The following USHBP1 variants were observed in gnomAD, a reference collection of about 807,000 sequenced individuals.
The protein encoded by USHBP1 is USH1 protein network component harmonin binding protein 1.
USHBP1 carries 67 observed loss-of-function variants against 76.2 expected under a neutral mutation model. That is an observed-to-expected ratio of 0.88 (90% CI 0.72 to 1.08). USHBP1 has a LOEUF of 1.08. Ranked by LOEUF, USHBP1 falls within the 50% of genes least tolerant of loss-of-function variation. USHBP1 has a pLI of 0.00. For synonymous variants in USHBP1, 322 were observed against 362.2 expected, an observed-to-expected ratio of 0.89 and a Z score of 1.26; for missense variants, 931 against 915.0, an observed-to-expected ratio of 1.02 and a Z score of -0.23.
chr19:17,263,690 C>G, intron 3 of USHBP1: 1 of 161,546 alleles, frequency 6.2e-6, no homozygotes, highest in Non-Finnish European at 1.0e-5. Context: ...ACCAGCCTGG[C>G]TAATGTGGCC....
intron 4 of USHBP1, among the ~76,000 whole-genome samples, chr19:17,260,768 G>C (rs1007465099): frequency 6.6e-6 from 1 of 152,110 alleles, no homozygotes; most frequent in Non-Finnish European, 1.5e-5. Context: ...ATGGACACTT[G>C]AGCTTATCAA....
rs1416068265 is a variant in USHBP1, at chr19:17,254,643, C to G, written c.1692+742G>C. Among the ~76,000 whole-genome samples, 4 of 146,908 alleles carry G rather than the reference C, an allele frequency of 2.7e-5. No individual in the cohort carries two copies. The Admixed American group carries it at 2.7e-4, about 10-fold the overall frequency. On this transcript the variant is annotated intron_variant, in intron 10 of 12. Transcript: ENST00000252597. ...TGCACTCCAGCCTGGGCAACAAGAG[C>G]AAAACTCTGTCTCAAAAAAAAAAAA...
intron 8 of USHBP1, 93 bp from the exon 9 acceptor site, chr19:17,256,813 C>T: frequency 6.4e-7 from 1 of 1,552,636 alleles, no homozygotes; most frequent in Non-Finnish European, 8.8e-7. Flanking sequence ...CACCTTCCAT[C>T]TCACTGGCCA....
At position 17,256,540 on chromosome 19, in the gene USHBP1, C is replaced by T. The variant is rs765915102; in HGVS notation, c.1401G>A (p.Gly467=). The T allele has an allele frequency of 6.2e-7, 1 of 1,613,960 alleles. No homozygotes were observed. The highest frequency in any genetic ancestry group is 1.3e-5 in the African/African-American group (1 of 74,906). ...GGGGAAGAGCTGGGCCAGCCTGGGT[C>T]CCCAGAATGGCCTGCACCATGGCTT... is the stretch of plus-strand genomic sequence containing the variant. ...RAEAMVQAIL[G]TQAGPALPRL... is the part of the protein sequence containing the mutation. The change falls in exon 9 of 13, where the codon GGG becomes GGA. Residue 467 remains glycine, a synonymous_variant. Transcript: ENST00000252597.
Position 17,255,372 on chromosome 19 carries a change from C to A in USHBP1, c.1692+13G>T. ...AAGCTACTCCCCTACCAGGTTCAGG[C>A]AGGGCAGCTCACCTGATACCACTCT... is the stretch of plus-strand genomic sequence containing the variant. On this transcript the variant is annotated intron_variant, in intron 10 of 12. Coordinates refer to ENST00000252597, the MANE Select transcript of USHBP1 (RefSeq NM_031941.4). 1 of 1,609,580 alleles carries A rather than the reference C, an allele frequency of 6.2e-7. No homozygotes were observed.
At position 17,252,989 on chromosome 19, in the gene USHBP1, A is replaced by G. The variant is rs537453186; in HGVS notation, c.1693-972T>C. Among the ~76,000 whole-genome samples the G allele has an allele frequency of 3.3e-5, 5 of 151,372 alleles. No homozygotes were observed. The South Asian group carries it at 1.0e-3, about 32-fold the overall frequency. On this transcript the variant is annotated intron_variant, in intron 10 of 12. Transcript: ENST00000252597. ...TGAAATAATAATAATTTTTTTTTTG[A>G]GAAGAGTCTCGCTCTGTCGCCCAGG...
Position 17,256,651 on chromosome 19 carries a change from C to T in USHBP1, c.1290G>A (p.Gln430=). ...EVAFQLRSYV[Q]RLQERRSLMK... ...TTAGAGAACGGCGCTCCTGGAGACGCTGGACATAGCTTCGGAGCTGGAAAG... is the reference window on the plus strand; with the variant it reads ...TTAGAGAACGGCGCTCCTGGAGACGTTGGACATAGCTTCGGAGCTGGAAAG... The change falls in exon 9 of 13, where the codon CAG becomes CAA. Residue 430 remains glutamine (Q), a synonymous_variant. Coordinates refer to ENST00000252597, the MANE Select transcript of USHBP1 (RefSeq NM_031941.4). 6.2e-7 allele frequency: 1 copy of T among 1,614,216 alleles called. No individual in the cohort carries two copies. Among genetic ancestry groups the T allele is most frequent in the Non-Finnish European group, 8.5e-7 (1 of 1,180,036 alleles).
intron 12 of USHBP1, 147 bp downstream of exon 12, chr19:17,251,435 A>T: frequency 8.8e-7 from 1 of 1,142,504 alleles, no homozygotes; most frequent in Non-Finnish European, 1.2e-6. Context: ...ACATGCTGGG[A>T]TTACAGGTGT....
At position 17,259,712 on chromosome 19, in the gene USHBP1, G is replaced by A. The variant is rs781011982; in HGVS notation, c.789C>T (p.His263=). ...GGCTGCGGAGGCGCCGAAGCAGGGG[G>A]TGAGCCAGGGAGAAGGAGTCCTGCC... The part of the protein sequence containing the change: ...WETQDSFSLA[H]PLLRRLRSHS... The change falls in exon 6 of 13, where the codon CAC becomes CAT. Residue 263 remains histidine, a synonymous_variant. Transcript: ENST00000252597. The A allele has an allele frequency of 5.6e-6, 9 of 1,612,486 alleles. No individual in the cohort carries two copies. The African/African-American group carries it at 8.0e-5, about 14-fold the overall frequency.
intron 10 of USHBP1, among the ~76,000 whole-genome samples, chr19:17,253,603 A>T (rs890196061): frequency 2.7e-5 from 4 of 147,682 alleles, no homozygotes; most frequent in African/African-American, 7.4e-5. Context: ...ATAATTTTTT[A>T]AAAATTAGGC....
intron 10 of USHBP1, among the ~76,000 whole-genome samples, chr19:17,252,961 G>C (rs1012644496): frequency 1.3e-5 from 2 of 151,922 alleles, no homozygotes; most frequent in African/African-American, 2.4e-5. Flanking sequence ...TCTAATCCTT[G>C]TTTGAAATAA....
At chr19:17,254,527 G>A (rs919060819) in intron 10 of USHBP1, among the ~76,000 whole-genome samples, 1 of 151,338 alleles carries the variant, frequency 6.6e-6, no homozygotes, top group Non-Finnish European at 1.5e-5. Flanking sequence ...GTGGTGGCGC[G>A]TGCCTGTAGT....
intron 9 of USHBP1, 124 bp from the exon 10 acceptor site, chr19:17,255,730 G>A (rs977000262): frequency 2.2e-5 from 23 of 1,068,502 alleles, no homozygotes; most frequent in Non-Finnish European, 2.9e-5. Flanking sequence ...GCCAGGCGCA[G>A]TGGCTCATGC....
At chr19:17,262,145 C>G (rs78365894) in intron 4 of USHBP1, among the ~76,000 whole-genome samples, 3,711 of 152,076 alleles carry the variant, frequency 0.024, 157 homozygotes, top group African/African-American at 0.084. Flanking sequence ...GGATTACAGG[C>G]CTATGCCACC....
chr19:17,255,323 G>T, intron 10 of USHBP1, 62 bp downstream of exon 10: 2 of 1,461,856 alleles, frequency 1.4e-6, no homozygotes, highest in South Asian at 1.3e-5. Flanking sequence ...GGCTGTGATT[G>T]ACAAGGGCTA....
At chr19:17,259,244 C>T (rs1353366895) in intron 7 of USHBP1, 45 bp downstream of exon 7, 5 of 1,556,830 alleles carry the variant, frequency 3.2e-6, no homozygotes, top group East Asian at 2.3e-5. Flanking sequence ...CTCAGAAAGC[C>T]CACTCCCTCC....
At position 17,255,635 on chromosome 19, in the gene USHBP1, T is replaced by G. The variant is rs748404538; in HGVS notation, c.1471-29A>C. The G allele has an allele frequency of 1.9e-6, 3 of 1,575,756 alleles. No individual in the cohort carries two copies. In the African/African-American group the frequency reaches 4.1e-5, roughly 21 times the overall value. On this transcript the variant is annotated intron_variant, in intron 9 of 12. Coordinates refer to ENST00000252597, the MANE Select transcript of USHBP1 (RefSeq NM_031941.4). ...TGGGACCAAGGAGAGGGGAGAGAAT[T>G]TATGCTTCTACGGTCAACTGCAGGG...
At position 17,250,540 on chromosome 19, in the gene USHBP1, T is replaced by A. The variant is rs1422647630; in HGVS notation, c.1923-126A>T. ...GTCTCCAAGGGTCCCAGCTAGCTGG[T>A]CTTTTGTTGTTGTTGTTGTTGTTGT... On this transcript the variant is annotated intron_variant, in intron 12 of 12. Coordinates refer to ENST00000252597, the MANE Select transcript of USHBP1 (RefSeq NM_031941.4). The A allele has an allele frequency of 1.1e-5, 12 of 1,112,856 alleles. No individual in the cohort carries two copies. In the African/African-American group the frequency reaches 1.3e-4, roughly 12 times the overall value. 68.9% of individuals were successfully genotyped at this position (1,112,856 alleles called of 1,614,324 possible).
chr19:17,255,663 A>C (rs2073611130), intron 9 of USHBP1, 57 bp from the exon 10 acceptor site: 2 of 1,510,290 alleles, frequency 1.3e-6, no homozygotes, highest in Non-Finnish European at 1.8e-6. Flanking sequence ...CTGCAGGGAA[A>C]CTGAGGCCCC....
Sources: allele counts gnomAD v4.1 joint callset (sites outside exome capture counted in the v4.1 genomes callset), GRCh38; gene constraint gnomAD v4.1.1; transcripts MANE v1.5; gene names NCBI Gene and HGNC (gene_info 2026-07-23, HGNC 2026-07-21).